The following ST7L variants were observed in gnomAD, a reference collection of about 807,000 sequenced individuals.
The protein encoded by ST7L is suppression of tumorigenicity 7 like.
In ST7L, 57 loss-of-function variants were observed where a neutral mutation model predicts 72.5. That is an observed-to-expected ratio of 0.79 (90% CI 0.64 to 0.98). The LOEUF is 0.98. ST7L is among the 50% of genes least tolerant of loss of function. The pLI is 0.00. For missense variants in ST7L, 576 were observed against 672.2 expected (o/e 0.86, Z 1.58); for synonymous variants, 221 against 240.9 (o/e 0.92, Z 0.77).
intron 1 of ST7L, 147 bp downstream of exon 1, chr1:112,618,762 G>C: frequency 2.1e-6 from 3 of 1,431,250 alleles, no homozygotes; most frequent in Non-Finnish European, 2.8e-6. Flanking sequence ...CAAGGTTGCA[G>C]CCCAAAAGAA....
rs141576868 is a variant in ST7L at position 112,550,265 on chromosome 1, T to C, written c.1489+336A>G. On this transcript the variant is annotated intron_variant, in intron 13 of 14. Coordinates refer to ENST00000358039, the MANE Select transcript of ST7L (RefSeq NM_017744.5). ...TATCTTTGGTTTGGTATCAGGAAAA[T>C]ACTGCTCTCATCAAATGATTTGGGG... is the stretch of plus-strand genomic sequence containing the variant. Among the ~76,000 whole-genome samples, 600 of 152,328 alleles carry C rather than the reference T, an allele frequency of 3.9e-3. 3 individuals carry two copies. The highest frequency in any genetic ancestry group is 0.014 in the African/African-American group (567 of 41,580).
chr1:112,563,677 A>C (rs948731439), intron 11 of ST7L, among the ~76,000 whole-genome samples: 1 of 152,176 alleles, frequency 6.6e-6, no homozygotes, highest in African/African-American at 2.4e-5. Flanking sequence ...TAAAAATATA[A>C]TTATTAAGGC....
intron 14 of ST7L, among the ~76,000 whole-genome samples, chr1:112,535,487 T>C (rs1655046188): frequency 6.6e-6 from 1 of 152,144 alleles, no homozygotes. Context: ...CCCAGCATTT[T>C]GGTAGGCCGG....
chr1:112,601,733 C>T (rs565219517), intron 3 of ST7L, among the ~76,000 whole-genome samples: 12 of 152,000 alleles, frequency 7.9e-5, no homozygotes, highest in East Asian at 3.9e-4. Context: ...CATGGTTAGG[C>T]TAGAGTACAG....
intron 6 of ST7L, among the ~76,000 whole-genome samples, chr1:112,586,644 T>TC (rs1465861548): frequency 6.6e-6 from 1 of 152,160 alleles, no homozygotes; most frequent in Non-Finnish European, 1.5e-5. Flanking sequence ...AAAGATTTTT[T>TC]CCCCCTTAAA....
At chr1:112,591,204 T>C (rs1384153094) in intron 6 of ST7L, among the ~76,000 whole-genome samples, 2 of 152,190 alleles carry the variant, frequency 1.3e-5, no homozygotes, top group Non-Finnish European at 2.9e-5. Context: ...GTGCTGGGAT[T>C]ACAGGTGTGA....
At chr1:112,568,331 T>TA (rs953516149) in intron 11 of ST7L, among the ~76,000 whole-genome samples, 3 of 106,250 alleles carry the variant, frequency 2.8e-5, no homozygotes, top group Non-Finnish European at 5.5e-5. Flanking sequence ...TGTAATAATA[T>TA]TTTTTTTTTT....
At chr1:112,581,865 C>T in intron 9 of ST7L, 127 bp downstream of exon 9, 1 of 690,932 alleles carries the variant, frequency 1.4e-6, no homozygotes, top group South Asian at 1.8e-5. Context: ...TAAATAGCAA[C>T]CTCTGAGTGC....
intron 2 of ST7L, among the ~76,000 whole-genome samples, chr1:112,613,511 T>C (rs2101056848): frequency 6.6e-6 from 1 of 152,346 alleles, no homozygotes; most frequent in Admixed American, 6.5e-5. Context: ...AATATATCTC[T>C]TTATACATGT....
chr1:112,584,368 C>A (rs1199369925), intron 6 of ST7L, among the ~76,000 whole-genome samples: 12 of 146,792 alleles, frequency 8.2e-5, no homozygotes, highest in South Asian at 4.3e-4. Flanking sequence ...AAAAAAAAAA[C>A]AAAATTTTTA....
chr1:112,576,287 A>C (rs1571126513), intron 11 of ST7L, among the ~76,000 whole-genome samples: 1 of 152,070 alleles, frequency 6.6e-6, no homozygotes, highest in Non-Finnish European at 1.5e-5. Context: ...ATGAGGTCTC[A>C]CCACATTGCC....
chr1:112,616,806 TACTTACAAATATTAGTCCTGATATCA>T lies in ST7L; in HGVS notation c.269_288+6del. 6.4e-7 allele frequency: 1 copy of T among 1,551,540 alleles called. No individual in the cohort carries two copies. ...AAACATGAAGGAAGGAAATGGAAAC[TACTTACAAATATTAGTCCTGATATCA>T]ATGAAGAGGTCCCTGTAAGTGCCAC... On this transcript the variant is annotated splice_donor_variant and splice_donor_5th_base_variant and coding_sequence_variant and intron_variant, in exon 2 of 15. Transcript: ENST00000358039. LOFTEE classifies it high-confidence loss of function.
Position 112,525,524 on chromosome 1 carries a change from G to GTTGT in ST7L, c.*488_*489insACAA. 1 of 153,308 alleles carries GTTGT rather than the reference G, an allele frequency of 6.5e-6. No homozygotes were observed. Among genetic ancestry groups the GTTGT allele is most frequent in the Non-Finnish European group, 1.5e-5 (1 of 68,812 alleles). 9.5% of individuals were successfully genotyped at this position (153,308 alleles called of 1,614,324 possible). ...TATATTATCTCTGAGCATCTCGGTG[G>GTTGT]CTATTCCTCATTTACTTAAGATGTT... On this transcript the variant is annotated 3_prime_UTR_variant, in exon 15 of 15. Coordinates refer to ENST00000358039, the MANE Select transcript of ST7L (RefSeq NM_017744.5).
chr1:112,578,163 G>A (rs1037626777), intron 10 of ST7L, among the ~76,000 whole-genome samples, 182 bp downstream of exon 10: 2 of 152,112 alleles, frequency 1.3e-5, no homozygotes, highest in Non-Finnish European at 2.9e-5. Context: ...TTGAGCTCAG[G>A]TTAGCTCTAA....
Position 112,610,754 on chromosome 1 carries a change from C to T in ST7L, c.451+87G>A, listed in dbSNP as rs1397008599. 7.0e-5 allele frequency: 104 copies of T among 1,477,552 alleles called. 1 individual carries two copies. In the South Asian group the frequency reaches 1.0e-3, roughly 15 times the overall value. The allele number at this position is 1,477,552 out of a possible 1,614,324, so 91.5% of individuals were successfully genotyped here. A position where few individuals can be genotyped will look rare whatever the true frequency, so the allele number is the denominator to read the frequency against. On this transcript the variant is annotated intron_variant, in intron 3 of 14. Coordinates refer to ENST00000358039, the MANE Select transcript of ST7L (RefSeq NM_017744.5). ...GGAAACACAAACATGCACACCACAG[C>T]ACTCTGCTGTTTTGAGTTTTCTATC...
intron 9 of ST7L, 65 bp downstream of exon 9, chr1:112,581,927 C>A: frequency 1.8e-6 from 2 of 1,118,280 alleles, no homozygotes; most frequent in East Asian, 4.8e-5. Context: ...TAGAATATAA[C>A]CACATTTATA....
chr1:112,559,149 T>G (rs142358674), intron 11 of ST7L, among the ~76,000 whole-genome samples: 144 of 152,376 alleles, frequency 9.5e-4, no homozygotes, highest in African/African-American at 3.2e-3. Context: ...AGTATATTCG[T>G]AACCATTTAG....
At chr1:112,546,121 C>T (rs1424947104) in intron 13 of ST7L, among the ~76,000 whole-genome samples, 2 of 151,862 alleles carry the variant, frequency 1.3e-5, no homozygotes, top group East Asian at 3.9e-4. Context: ...GAGTTCAAGG[C>T]CAAGCTGGGC....
rs1660732621 is a variant in ST7L, at chr1:112,564,926, G to C, written c.1246-8908C>G. On this transcript the variant is annotated intron_variant, in intron 11 of 14. Coordinates refer to ENST00000358039, the MANE Select transcript of ST7L (RefSeq NM_017744.5). ...AACCAGAACAGATTTTACTTTCTAT[G>C]TATCAATTTATTTTTAAAACTTCCT... Among the ~76,000 whole-genome samples, 3 of 151,236 alleles carry C rather than the reference G, an allele frequency of 2.0e-5. No individual in the cohort carries two copies. The South Asian group carries it at 6.3e-4, about 32-fold the overall frequency.
Sources: gnomAD v4.1 joint callset for allele counts (sites outside exome capture counted in the v4.1 genomes callset) on GRCh38, gnomAD v4.1.1 for gene constraint, MANE v1.5 for transcripts, NCBI Gene and HGNC (gene_info 2026-07-23, HGNC 2026-07-21) for gene names.